Variants in BLTP2 observed in about 807,000 individuals in gnomAD.
BLTP2 encodes U937-associated antigen.
the BLTP2 span, chr17:28,636,967 C>T: frequency 6.2e-7 from 1 of 1,613,482 alleles, no homozygotes; most frequent in Non-Finnish European, 8.5e-7. Flanking sequence ...AACATTACCT[C>T]CAGAGAGCGG....
chr17:28,644,946 TCCCGCCGCC>T, the BLTP2 span: 32 of 1,474,436 alleles, frequency 2.2e-5, no homozygotes, highest in Admixed American at 1.0e-4. Context: ...GCCCCCTCCC[TCCCGCCGCC>T]GCCGCCGCCG....
chr17:28,615,328 GATTT>G, the BLTP2 span: 54 of 1,273,946 alleles, frequency 4.2e-5, no homozygotes, highest in African/African-American at 7.3e-4. Context: ...AGACAATAAA[GATTT>G]ATTAAACACA....
At chr17:28,645,029 C>A in the BLTP2 span, 1 of 1,601,710 alleles carries the variant, frequency 6.2e-7, no homozygotes, top group Non-Finnish European at 8.5e-7. Context: ...AGCAGCAAGA[C>A]CAACAGCGCG....
At chr17:28,629,709 C>T in the BLTP2 span, among the ~76,000 whole-genome samples, 1 of 151,998 alleles carries the variant, frequency 6.6e-6, no homozygotes, top group Non-Finnish European at 1.5e-5. Flanking sequence ...AAACTCCTGA[C>T]CTCAAATGAT....
the BLTP2 span, chr17:28,643,810 C>T: frequency 2.2e-6 from 2 of 898,830 alleles, no homozygotes; most frequent in South Asian, 1.6e-5. Flanking sequence ...GTAAAATCTT[C>T]GATTTCCTGT....
At chr17:28,634,651 G>C in the BLTP2 span, 28 of 1,614,198 alleles carry the variant, frequency 1.7e-5, no homozygotes, top group Non-Finnish European at 2.3e-5. Context: ...ATGGAAGGAG[G>C]CATCTGCCAG....
At chr17:28,631,888 C>A in the BLTP2 span, 1 of 1,614,006 alleles carries the variant, frequency 6.2e-7, no homozygotes, top group African/African-American at 1.3e-5. Context: ...CTGGATGCCC[C>A]GTTGCTGGGC....
At chr17:28,640,635 A>G in the BLTP2 span, 1 of 1,614,040 alleles carries the variant, frequency 6.2e-7, no homozygotes, top group South Asian at 1.1e-5. Context: ...CAGCTGCTGG[A>G]GAAGGAATAG....
the BLTP2 span, among the ~76,000 whole-genome samples, chr17:28,641,115 C>T: frequency 1.3e-5 from 2 of 152,132 alleles, no homozygotes; most frequent in African/African-American, 2.4e-5. Flanking sequence ...TACCAAAGTC[C>T]GCACATACTC....
At chr17:28,643,458 C>T in the BLTP2 span, 1 of 1,350,206 alleles carries the variant, frequency 7.4e-7, no homozygotes, top group Non-Finnish European at 1.0e-6. Flanking sequence ...ATATCTTCCT[C>T]ACAACACAAT....
the BLTP2 span, chr17:28,615,774 C>T: frequency 1.3e-5 from 21 of 1,614,046 alleles, no homozygotes; most frequent in Non-Finnish European, 1.8e-5. Flanking sequence ...TTAAGGTCAC[C>T]CCAGTCCACA....
chr17:28,616,534 T>C, the BLTP2 span: 1 of 1,614,194 alleles, frequency 6.2e-7, no homozygotes, highest in Non-Finnish European at 8.5e-7. The surrounding 1 kb of genome is among the most constrained non-coding windows in gnomAD (Gnocchi z 4.8). Flanking sequence ...GTGTACCAGC[T>C]GTCATCCATC....
At chr17:28,614,851 C>T in the BLTP2 span, 3 of 491,790 alleles carry the variant, frequency 6.1e-6, no homozygotes, top group South Asian at 7.6e-5. Context: ...TCTCTTGTTG[C>T]CTCTCTGGCC....
chr17:28,617,581 G>T, the BLTP2 span, among the ~76,000 whole-genome samples: 1 of 152,186 alleles, frequency 6.6e-6, no homozygotes, highest in Non-Finnish European at 1.5e-5. Flanking sequence ...GCCTCTGGTA[G>T]GAGAAAGTAA....
the BLTP2 span, chr17:28,639,416 G>A: frequency 6.2e-7 from 1 of 1,613,754 alleles, no homozygotes; most frequent in Non-Finnish European, 8.5e-7. Flanking sequence ...AGTGAATGAT[G>A]CAAGTGTTCA....
At chr17:28,634,428 A>G in the BLTP2 span, 8 of 1,377,666 alleles carry the variant, frequency 5.8e-6, no homozygotes, top group Non-Finnish European at 7.9e-6. Flanking sequence ...ACAGTTCCCA[A>G]TATAACCTAG....
At chr17:28,635,287 T>C in the BLTP2 span, 2 of 1,614,084 alleles carry the variant, frequency 1.2e-6, no homozygotes, top group Non-Finnish European at 1.7e-6. Flanking sequence ...ACAGTATGCC[T>C]GCAGGGAACC....
At chr17:28,632,268 G>C in the BLTP2 span, 1 of 1,565,560 alleles carries the variant, frequency 6.4e-7, no homozygotes, top group South Asian at 1.2e-5. Context: ...ACATTTCCTA[G>C]TTATGGATGA....
chr17:28,637,566 AATTTAGAAAAATTCCAG>A, the BLTP2 span, among the ~76,000 whole-genome samples: 3 of 152,248 alleles, frequency 2.0e-5, no homozygotes, highest in African/African-American at 4.8e-5. Context: ...TCGTGCCTCT[AATTTAGAAAAATTCCAG>A]ATAATCAGCT....
Sources: gnomAD v4.1 joint callset for allele counts (sites outside exome capture counted in the v4.1 genomes callset) on GRCh38, gnomAD v4.1.1 for gene constraint, Gnocchi (gnomAD v3.1) non-coding constraint, MANE v1.5 for transcripts, NCBI Gene and HGNC (gene_info 2026-07-23, HGNC 2026-07-21) for gene names.